The following POLN variants were observed in gnomAD, a reference collection of about 807,000 sequenced individuals.
POLN encodes the protein DNA polymerase N.
A neutral mutation model predicts 113.5 loss-of-function variants in POLN; 108 were observed. That is an observed-to-expected ratio of 0.95 (90% CI 0.81 to 1.12). The LOEUF (loss-of-function observed/expected upper bound fraction) is 1.12, where lower values mean the gene tolerates loss of function less well. Ranked by LOEUF, POLN falls within the 50% of genes most tolerant of loss-of-function variation. The pLI, the probability that POLN is intolerant of heterozygous loss-of-function variation, is 0.00. For missense variants in POLN, 1,097 were observed against 1,077.1 expected, an observed-to-expected ratio of 1.02 and a Z score of -0.26; for synonymous variants, 386 against 391.5, an observed-to-expected ratio of 0.99 and a Z score of 0.17.
At chr4:2,198,089 G>C (rs1235708158) in intron 6 of POLN, among the ~76,000 whole-genome samples, 2 of 152,228 alleles carry the variant, frequency 1.3e-5, no homozygotes, top group African/African-American at 4.8e-5. Context: ...CCACAGACAT[G>C]GAGCTTTGAA....
At chr4:2,230,893 T>C (rs568109583) in intron 2 of POLN, 8 of 152,350 alleles carry the variant, frequency 5.3e-5, no homozygotes, top group Non-Finnish European at 1.0e-4. Flanking sequence ...GCTGCCCAAA[T>C]ACCATTGTTA....
At chr4:2,092,545 G>A (rs898966877) in intron 20 of POLN, among the ~76,000 whole-genome samples, 4 of 152,172 alleles carry the variant, frequency 2.6e-5, no homozygotes, top group African/African-American at 9.7e-5. Context: ...GCTCCCCCAC[G>A]GTGGCTGCGG....
At chr4:2,170,579 G>C (rs930150989) in intron 13 of POLN, 100 bp downstream of exon 13, 2 of 1,009,630 alleles carry the variant, frequency 2.0e-6, no homozygotes. Flanking sequence ...CCAGCATGAG[G>C]GGACGGCCTG....
Position 2,241,600 on chromosome 4 carries a change from C to T in POLN, c.-93G>A, listed in dbSNP as rs1734990981. ...GAACAGCAGGAGCAGCAGGGAAGCG[C>T]GCGGCCACAATTAAGGGTGCTTCGG... On this transcript the variant is annotated 5_prime_UTR_variant, in exon 2 of 26. Coordinates refer to ENST00000511885, the MANE Select transcript of POLN (RefSeq NM_181808.4). The T allele has an allele frequency of 3.0e-6, 3 of 985,402 alleles. No homozygotes were observed. The highest frequency in any genetic ancestry group is 3.5e-5 in the African/African-American group (2 of 57,242). 61.0% of individuals were successfully genotyped at this position (985,402 alleles called of 1,614,324 possible).
At chr4:2,199,517 G>A (rs546827373) in intron 5 of POLN, among the ~76,000 whole-genome samples, 1 of 152,210 alleles carries the variant, frequency 6.6e-6, no homozygotes, top group East Asian at 1.9e-4. Flanking sequence ...ACAAAGATAA[G>A]GATGACAGCA....
intron 16 of POLN, among the ~76,000 whole-genome samples, chr4:2,143,573 T>C (rs1168238292): frequency 6.6e-6 from 1 of 152,128 alleles, no homozygotes; most frequent in Non-Finnish European, 1.5e-5. Context: ...CAAAAATAAA[T>C]ATCTAGGCCT....
intron 8 of POLN, 46 bp from the exon 9 acceptor site, chr4:2,176,380 G>A: frequency 7.0e-7 from 1 of 1,436,600 alleles, no homozygotes; most frequent in Admixed American, 2.0e-5. Context: ...AAACTTGGTG[G>A]CAGTGCTCAC....
intron 10 of POLN, 44 bp from the exon 11 acceptor site, chr4:2,174,063 T>C: frequency 3.2e-6 from 5 of 1,586,216 alleles, no homozygotes; most frequent in Non-Finnish European, 4.3e-6. Context: ...CATTAATGTA[T>C]TCTTTTTACT....
chr4:2,170,949 T>C, intron 12 of POLN, 149 bp downstream of exon 12: 1 of 853,796 alleles, frequency 1.2e-6, no homozygotes, highest in Non-Finnish European at 1.8e-6. Flanking sequence ...AAGTAATGAA[T>C]CTCAATGTGT....
intron 19 of POLN, among the ~76,000 whole-genome samples, chr4:2,110,340 A>C (rs1274540234): frequency 6.6e-6 from 1 of 152,182 alleles, no homozygotes; most frequent in African/African-American, 2.4e-5. Flanking sequence ...CTAGAGAAGC[A>C]AGAGCAAACA....
In POLN at chr4:2,176,154, G is replaced by A. The variant is rs575606610; in HGVS notation, c.1248+112C>T. 7.3e-5 allele frequency: 61 copies of A among 836,678 alleles called. No homozygotes were observed. In the East Asian group the frequency reaches 1.5e-3, roughly 21 times the overall value. The allele number at this position is 836,678 out of a possible 1,614,324, so 51.8% of individuals were successfully genotyped here. On this transcript the variant is annotated intron_variant, in intron 9 of 25. Coordinates refer to ENST00000511885, the MANE Select transcript of POLN (RefSeq NM_181808.4). ...TAATGCACAGGTTAATTTGTTCTTA[G>A]AACTCAACGTTTCGTTTCCTTCACA...
intron 16 of POLN, among the ~76,000 whole-genome samples, chr4:2,134,252 A>G (rs1288913944): frequency 6.6e-6 from 1 of 152,170 alleles, no homozygotes; most frequent in Non-Finnish European, 1.5e-5. Flanking sequence ...TTATTTATCT[A>G]TTCACTTCTA....
chr4:2,124,151 G>A (rs1731518301), intron 19 of POLN, among the ~76,000 whole-genome samples: 1 of 152,176 alleles, frequency 6.6e-6, no homozygotes, highest in African/African-American at 2.4e-5. Context: ...GGTAAATCTA[G>A]AGACAGAAAG....
chr4:2,150,232 C>T (rs1732258950), intron 16 of POLN, among the ~76,000 whole-genome samples: 1 of 151,932 alleles, frequency 6.6e-6, no homozygotes, highest in Admixed American at 6.6e-5. Flanking sequence ...GGTTATTTAA[C>T]ATTAATATTA....
intron 19 of POLN, among the ~76,000 whole-genome samples, chr4:2,099,990 A>G (rs1355610245): frequency 2.6e-5 from 4 of 151,162 alleles, no homozygotes; most frequent in Admixed American, 2.0e-4. Flanking sequence ...GGATCACTGG[A>G]GCCCGGGAGG....
chr4:2,216,931 C>T (rs1341096921), intron 3 of POLN, among the ~76,000 whole-genome samples: 1 of 152,232 alleles, frequency 6.6e-6, no homozygotes, highest in Non-Finnish European at 1.5e-5. Flanking sequence ...CCCATGATTA[C>T]TCCATGAGAG....
chr4:2,180,300 G>A (rs993698807), intron 7 of POLN, among the ~76,000 whole-genome samples: 1 of 152,210 alleles, frequency 6.6e-6, no homozygotes, highest in African/African-American at 2.4e-5. Context: ...AGTCATAAAA[G>A]GCTGGGGAGG....
At chr4:2,188,178 C>G (rs887710183) in intron 7 of POLN, among the ~76,000 whole-genome samples, 1 of 152,068 alleles carries the variant, frequency 6.6e-6, no homozygotes, top group African/African-American at 2.4e-5. Context: ...CCCAAGAATT[C>G]TGTGCCCAGC....
chr4:2,208,186 ATTTGTTTACTTGTT>A lies in POLN; in HGVS notation c.501_514del (p.Lys167AsnfsTer8), dbSNP rs1560094169. On this transcript the variant is annotated frameshift_variant, in exon 5 of 26. Coordinates refer to ENST00000511885, the MANE Select transcript of POLN (RefSeq NM_181808.4). LOFTEE classifies it high-confidence loss of function. ...GTCATCAGTATCTTCTTCCAATGCCATTTGTTTACTTGTTTTCTCTGACAAATTATTATATGTAA... is the reference window on the plus strand; with the variant it reads ...GTCATCAGTATCTTCTTCCAATGCCATTCTCTGACAAATTATTATATGTAA... 6.2e-7 allele frequency: 1 copy of A among 1,611,676 alleles called. No homozygotes were observed. Among genetic ancestry groups the A allele is most frequent in the South Asian group, 1.1e-5 (1 of 91,038 alleles).
Sources: gnomAD v4.1 joint callset for allele counts (sites outside exome capture counted in the v4.1 genomes callset) on GRCh38, gnomAD v4.1.1 for gene constraint, MANE v1.5 for transcripts, NCBI Gene and HGNC (gene_info 2026-07-23, HGNC 2026-07-21) for gene names.